SLC14A2: variants seen among roughly 807,000 people sequenced by gnomAD.
SLC14A2 encodes the protein urea transporter 2.
A neutral mutation model predicts 104.6 loss-of-function variants in SLC14A2; 91 were observed. The observed-to-expected ratio is 0.87, with a 90% CI of 0.73 to 1.04. The LOEUF is 1.04. Among genes scored for constraint, SLC14A2 ranks in the 50% least tolerant of loss-of-function variants. The pLI, the probability that SLC14A2 is intolerant of heterozygous loss-of-function variation, is 0.00. For missense variants in SLC14A2, 1,189 were observed against 1,156.0 expected, an observed-to-expected ratio of 1.03 and a Z score of -0.41; for synonymous variants, 476 against 466.4, an observed-to-expected ratio of 1.02 and a Z score of -0.27.
At chr18:45,427,268 A>G (rs562502614) in intron 1 of SLC14A2, among the ~76,000 whole-genome samples, 1 of 144,458 alleles carries the variant, frequency 6.9e-6, no homozygotes, top group South Asian at 2.1e-4. Context: ...AAGAAAGGGA[A>G]AAAAAAAAGG....
chr18:45,569,363 A>T (rs1342156776), intron 2 of SLC14A2, among the ~76,000 whole-genome samples: 1 of 152,038 alleles, frequency 6.6e-6, no homozygotes, highest in Non-Finnish European at 1.5e-5. Flanking sequence ...CCTTGAACTA[A>T]CCCCTTTACT....
chr18:45,501,622 G>A (rs1470645338), intron 2 of SLC14A2, among the ~76,000 whole-genome samples: 2 of 152,178 alleles, frequency 1.3e-5, no homozygotes, highest in African/African-American at 2.4e-5. Flanking sequence ...TAGAGTTGCC[G>A]GGACACTGGG....
At chr18:45,204,726 A>G in the SLC14A2 span, among the ~76,000 whole-genome samples, 1 of 151,980 alleles carries the variant, frequency 6.6e-6, no homozygotes, top group Non-Finnish European at 1.5e-5. Context: ...CATATAAGCC[A>G]TGGTTTTATA....
intron 1 of SLC14A2, among the ~76,000 whole-genome samples, chr18:45,286,787 C>A (rs79992006): frequency 5.7e-4 from 87 of 152,084 alleles, no homozygotes; most frequent in African/African-American, 2.0e-3. Flanking sequence ...CCTAAATGCT[C>A]ATAGATGTTA....
rs548763711 is a variant in SLC14A2 at position 45,642,221 on chromosome 18, G to GT, written c.1126+884dup. Reference sequence around the variant, plus strand: ...TAGCGTCTGGAACAGCTTCTCTTTTGTTTTTTCCCACTTATGCTTGGAGAC... The same window carrying GT: ...TAGCGTCTGGAACAGCTTCTCTTTTGTTTTTTTCCCACTTATGCTTGGAGAC... On this transcript the variant is annotated intron_variant, in intron 8 of 19. Coordinates refer to ENST00000255226, the MANE Select transcript of SLC14A2 (RefSeq NM_007163.4). Among the ~76,000 whole-genome samples the GT allele has an allele frequency of 9.8e-5, 15 of 152,292 alleles. 1 individual carries two copies. The East Asian group carries it at 2.9e-3, about 29-fold the overall frequency.
At chr18:45,456,627 A>G (rs1030012077) in intron 1 of SLC14A2, among the ~76,000 whole-genome samples, 1 of 152,190 alleles carries the variant, frequency 6.6e-6, no homozygotes, top group Non-Finnish European at 1.5e-5. Flanking sequence ...TCTCCAGTGA[A>G]TTACCCTCTC....
chr18:45,411,017 T>C (rs2086209364), intron 1 of SLC14A2, among the ~76,000 whole-genome samples: 1 of 152,208 alleles, frequency 6.6e-6, no homozygotes, highest in South Asian at 2.1e-4. Context: ...CTCTTATACT[T>C]TAAACAGAAA....
At chr18:45,655,344 T>C (rs1895545226) in intron 10 of SLC14A2, among the ~76,000 whole-genome samples, 1 of 152,204 alleles carries the variant, frequency 6.6e-6, no homozygotes, top group African/African-American at 2.4e-5. Context: ...CTTGGTGAAC[T>C]TGGTGAGGGA....
intron 1 of SLC14A2, among the ~76,000 whole-genome samples, chr18:45,402,909 A>G (rs1398946166): frequency 6.6e-6 from 1 of 152,234 alleles, no homozygotes; most frequent in Non-Finnish European, 1.5e-5. Flanking sequence ...TGTGCACACT[A>G]CTAGGAATGT....
chr18:45,419,164 A>T (rs925014793), intron 1 of SLC14A2, among the ~76,000 whole-genome samples: 1 of 152,214 alleles, frequency 6.6e-6, no homozygotes, highest in Non-Finnish European at 1.5e-5. Flanking sequence ...CTATTATTAT[A>T]AGAGTGCTAT....
intron 1 of SLC14A2, among the ~76,000 whole-genome samples, chr18:45,469,351 C>T (rs1001345842): frequency 1.3e-5 from 2 of 152,278 alleles, no homozygotes; most frequent in African/African-American, 4.8e-5. Context: ...AGCTGATTGA[C>T]CAAGTGTTAC....
chr18:45,531,113 G>A (rs1269091580), intron 2 of SLC14A2, among the ~76,000 whole-genome samples: 3 of 152,064 alleles, frequency 2.0e-5, no homozygotes, highest in Admixed American at 6.5e-5. Context: ...TGGACATTTG[G>A]GTTGGTTCCA....
At chr18:45,372,407 A>G (rs2085732931) in intron 1 of SLC14A2, among the ~76,000 whole-genome samples, 2 of 152,120 alleles carry the variant, frequency 1.3e-5, no homozygotes, top group Non-Finnish European at 2.9e-5. Context: ...GCTGGAGATG[A>G]TCTGGAAACA....
intron 10 of SLC14A2, among the ~76,000 whole-genome samples, chr18:45,659,052 A>C (rs1345041820): frequency 6.6e-6 from 1 of 152,180 alleles, no homozygotes; most frequent in Admixed American, 6.5e-5. Context: ...CGGGACACTT[A>C]ATAAGGCTTG....
At chr18:45,612,880 A>G (rs2044994771), upstream of SLC14A2, among the ~76,000 whole-genome samples, 1 of 152,078 alleles carries the variant, frequency 6.6e-6, no homozygotes, top group African/African-American at 2.4e-5. Context: ...CCTCCTTCTC[A>G]CACACTCTCT....
chr18:45,378,788 G>GT (rs2085802592), intron 1 of SLC14A2, among the ~76,000 whole-genome samples: 1 of 151,530 alleles, frequency 6.6e-6, no homozygotes, highest in South Asian at 2.1e-4. Context: ...TTGTTGTTTT[G>GT]TTTTTTAGGA....
chr18:45,321,397 T>C (rs1035491040), intron 1 of SLC14A2, among the ~76,000 whole-genome samples: 1 of 152,230 alleles, frequency 6.6e-6, no homozygotes, highest in Non-Finnish European at 1.5e-5. Flanking sequence ...AGAACTATAC[T>C]TGTGACGTCT....
At chr18:45,247,846 C>G (rs903218881) in intron 1 of SLC14A2, among the ~76,000 whole-genome samples, 21 of 152,122 alleles carry the variant, frequency 1.4e-4, no homozygotes, top group African/African-American at 5.1e-4. Context: ...AGAAGCTCAT[C>G]TATGTAGGAG....
chr18:45,363,618 G>T (rs1598722986), intron 1 of SLC14A2, among the ~76,000 whole-genome samples: 1 of 152,296 alleles, frequency 6.6e-6, no homozygotes, highest in East Asian at 1.9e-4. Context: ...AAAGAAGAGG[G>T]CAGGAAAGTT....
Sources: gnomAD v4.1 joint callset for allele counts (sites outside exome capture counted in the v4.1 genomes callset) on GRCh38, gnomAD v4.1.1 for gene constraint, MANE v1.5 for transcripts, NCBI Gene and HGNC (gene_info 2026-07-23, HGNC 2026-07-21) for gene names.